Variants in PSME1 observed in about 807,000 individuals in gnomAD.
PSME1 encodes the protein proteasome activator complex subunit 1.
PSME1 carries 15 observed loss-of-function variants against 38.4 expected under a neutral mutation model. That is an observed-to-expected ratio of 0.39 (90% CI 0.26 to 0.60). The LOEUF (loss-of-function observed/expected upper bound fraction) is 0.60, where lower values mean the gene tolerates loss of function less well. Ranked by LOEUF, PSME1 falls within the 20% of genes least tolerant of loss-of-function variation. The probability of loss-of-function intolerance (pLI) is 0.53; values close to 1 mark genes in which losing one functional copy is unlikely to be tolerated. For synonymous variants in PSME1, 106 were observed against 106.8 expected (o/e 0.99, Z 0.05); for missense variants, 249 against 305.6 (o/e 0.81, Z 1.38).
Position 24,136,397 on chromosome 14 carries a change from C to CG in PSME1, c.39+101dup. 1 of 1,255,930 alleles carries CG rather than the reference C, an allele frequency of 8.0e-7. No individual in the cohort carries two copies. Among genetic ancestry groups the CG allele is most frequent in the South Asian group, 1.7e-5 (1 of 58,106 alleles). The allele number at this position is 1,255,930 out of a possible 1,614,324, so 77.8% of individuals were successfully genotyped here. A position where few individuals can be genotyped will look rare whatever the true frequency, so the allele number is the denominator to read the frequency against. ...CCGCCCCCCAGGCTCCCACGCGAGT[C>CG]GGGGGCAGTCGGCCGAGCTGGCGCG... On this transcript the variant is annotated intron_variant, in intron 1 of 10. Coordinates refer to ENST00000206451, the MANE Select transcript of PSME1 (RefSeq NM_006263.4). This position sits in a 1 kb window ranked among gnomAD's most constrained non-coding sequence, Gnocchi z 4.8.
chr14:24,137,065 T>G, intron 2 of PSME1, 48 bp downstream of exon 2: 1 of 1,614,082 alleles, frequency 6.2e-7, no homozygotes, highest in East Asian at 2.2e-5. Flanking sequence ...CAACTCCTAC[T>G]GCTCAACCCT....
Position 24,138,260 on chromosome 14 carries a change from C to CT in PSME1, c.525dup (p.Lys176Ter). The CT allele has an allele frequency of 6.2e-7, 1 of 1,614,176 alleles. No individual in the cohort carries two copies. The highest frequency in any genetic ancestry group is 8.5e-7 in the Non-Finnish European group (1 of 1,179,986). On this transcript the variant is annotated frameshift_variant, in exon 8 of 11. Coordinates refer to ENST00000206451, the MANE Select transcript of PSME1 (RefSeq NM_006263.4). LOFTEE classifies it high-confidence loss of function. ...CTAGAAGGCTTCCACACTCAAATCT[C>CT]TAAGTGAGTGACCACCCATGTGCAC...
At position 24,137,844 on chromosome 14, in the gene PSME1, C is replaced by T. The variant is rs375932780; in HGVS notation, c.390+47C>T. 14 of 1,587,242 alleles carry T rather than the reference C, an allele frequency of 8.8e-6. No homozygotes were observed. The African/African-American group carries it at 1.9e-4, about 21-fold the overall frequency. ...CTCAGGCTTCAAGTCAAACCATTGT[C>T]CTCTTGGTCCCTGCCATTTAGGGCC... On this transcript the variant is annotated intron_variant, in intron 6 of 10. Coordinates refer to ENST00000206451, the MANE Select transcript of PSME1 (RefSeq NM_006263.4).
Position 24,137,044 on chromosome 14 carries a change from C to T in PSME1, c.72+27C>T, listed in dbSNP as rs1376703631. The T allele has an allele frequency of 4.3e-6, 7 of 1,614,048 alleles. No individual in the cohort carries two copies. In the African/African-American group the frequency reaches 8.0e-5, roughly 18 times the overall value. On this transcript the variant is annotated intron_variant, in intron 2 of 10. Transcript: ENST00000206451. The stretch of plus-strand genomic sequence containing the variant: ...TAAGACATGCCCCATCAGCGTGGCC[C>T]CACCCCTGCCCAACTCCTACTGCTC...
At position 24,136,861 on chromosome 14, in the gene PSME1, G is replaced by A; in HGVS notation, c.40-124G>A. 1 of 1,155,844 alleles carries A rather than the reference G, an allele frequency of 8.7e-7. No homozygotes were observed. Among genetic ancestry groups the A allele is most frequent in the East Asian group, 2.4e-5 (1 of 41,418 alleles). The allele number at this position is 1,155,844 out of a possible 1,614,324, so 71.6% of individuals were successfully genotyped here. ...CAGGCATCCATCTCGCTTTCTTCAG[G>A]TCTGGCCTTAGAGGGATCCCCTCCA... is the stretch of plus-strand genomic sequence containing the variant. On this transcript the variant is annotated intron_variant, in intron 1 of 10. Coordinates refer to ENST00000206451, the MANE Select transcript of PSME1 (RefSeq NM_006263.4). The surrounding 1 kb of genome is among the most constrained non-coding windows in gnomAD (Gnocchi z 4.8).
chr14:24,138,330 C>G lies in PSME1; in HGVS notation c.528-15C>G. On this transcript the variant is annotated splice_polypyrimidine_tract_variant and intron_variant, in intron 8 of 10. Transcript: ENST00000206451. ...ACCTCCTTCTTCTACTCCATACACA[C>G]TTCTCCTTCCACAGGTATTTCTCTG... 6.2e-7 allele frequency: 1 copy of G among 1,614,166 alleles called. No homozygotes were observed. Among genetic ancestry groups the G allele is most frequent in the Non-Finnish European group, 8.5e-7 (1 of 1,180,002 alleles).
chr14:24,138,134 A>T lies in PSME1; in HGVS notation c.459+17A>T, dbSNP rs1375499674. On this transcript the variant is annotated intron_variant, in intron 7 of 10. Transcript: ENST00000206451. ...GCTGTCCAGGTGAGAGCGCTGCCCC[A>T]CTTCCCTGCTCTTTTCTAGTCCATG... The T allele has an allele frequency of 6.2e-7, 1 of 1,614,038 alleles. No homozygotes were observed. The highest frequency in any genetic ancestry group is 1.1e-5 in the South Asian group (1 of 91,072).
At chr14:24,137,865 G>T in intron 6 of PSME1, 68 bp downstream of exon 6, 1 of 1,567,226 alleles carries the variant, frequency 6.4e-7, no homozygotes, top group East Asian at 2.2e-5. Flanking sequence ...CTGCCATTTA[G>T]GGCCTGGCAC....
rs978133374 is a variant in PSME1, at chr14:24,138,222, C to T, written c.486C>T (p.Ser162=). The T allele has an allele frequency of 1.9e-6, 3 of 1,614,200 alleles. No individual in the cohort carries two copies. The highest frequency in any genetic ancestry group is 1.6e-4 in the Middle Eastern group (1 of 6,062). The change falls in exon 8 of 11, where the codon AGC becomes AGT. Residue 162 remains serine, a synonymous_variant. Transcript: ENST00000206451. ...VQEKVFELMT[S]LHTKLEGFHT... is the part of the protein sequence containing the mutation. Reference sequence around the variant, plus strand: ...AGAAGGTGTTTGAGCTGATGACCAGCCTCCACACCAAGCTAGAAGGCTTCC... The same window carrying T: ...AGAAGGTGTTTGAGCTGATGACCAGTCTCCACACCAAGCTAGAAGGCTTCC...
At position 24,138,577 on chromosome 14, in the gene PSME1, A is replaced by AG. The variant is rs780096976; in HGVS notation, c.669+20dup. 1.8e-5 allele frequency: 29 copies of AG among 1,613,994 alleles called. No individual in the cohort carries two copies. The South Asian group carries it at 3.1e-4, about 17-fold the overall frequency. On this transcript the variant is annotated intron_variant, in intron 10 of 10. Transcript: ENST00000206451. ...AATGCTTATGTGAGGAGGCAAGGGC[A>AG]GGGCAGGGGTGGGCAGAGGCAGCTT... is the stretch of plus-strand genomic sequence containing the variant.
At position 24,136,441 on chromosome 14, in the gene PSME1, C is replaced by A; in HGVS notation, c.39+140C>A. 2 of 817,486 alleles carry A rather than the reference C, an allele frequency of 2.4e-6. No homozygotes were observed. The highest frequency in any genetic ancestry group is 2.4e-5 in the South Asian group (1 of 42,072). 50.6% of individuals were successfully genotyped at this position (817,486 alleles called of 1,614,324 possible). On this transcript the variant is annotated intron_variant, in intron 1 of 10. Transcript: ENST00000206451. This position sits in a 1 kb window ranked among gnomAD's most constrained non-coding sequence, Gnocchi z 4.8. ...TGGCGCGCCCGGAGCACCTGCGCCC[C>A]GGGGAGGGCGGCGACTGCTGCCTGC... is the stretch of plus-strand genomic sequence containing the variant.
At chr14:24,137,247 G>A (rs940330711) in intron 3 of PSME1, 42 bp downstream of exon 3, 3 of 1,611,706 alleles carry the variant, frequency 1.9e-6, no homozygotes, top group East Asian at 4.5e-5. Context: ...AAGGCCAAGA[G>A]AAGAGTCTGG....
rs1385584579 is a variant in PSME1, at chr14:24,136,825, A to C, written c.40-160A>C. The C allele has an allele frequency of 1.6e-5, 13 of 797,154 alleles. No homozygotes were observed. Among genetic ancestry groups the C allele is most frequent in the Non-Finnish European group, 2.5e-5 (12 of 470,618 alleles). 49.4% of individuals were successfully genotyped at this position (797,154 alleles called of 1,614,324 possible). On this transcript the variant is annotated intron_variant, in intron 1 of 10. Transcript: ENST00000206451. The surrounding 1 kb of genome is among the most constrained non-coding windows in gnomAD (Gnocchi z 4.8). ...AGAGATCCACCTTCTCCACCACCCC[A>C]ACCCACCCTACAGGCATCCATCTCG...
rs1273233380 is a variant in PSME1, at chr14:24,138,574, G to C, written c.669+14G>C. ...CGCAATGCTTATGTGAGGAGGCAAG[G>C]GCAGGGCAGGGGTGGGCAGAGGCAG... On this transcript the variant is annotated intron_variant, in intron 10 of 10. Coordinates refer to ENST00000206451, the MANE Select transcript of PSME1 (RefSeq NM_006263.4). 1 of 1,613,992 alleles carries C rather than the reference G, an allele frequency of 6.2e-7. No homozygotes were observed.
rs148386267 is a variant in PSME1 at position 24,136,972 on chromosome 14, G to C, written c.40-13G>C. 20 of 1,613,998 alleles carry C rather than the reference G, an allele frequency of 1.2e-5. No homozygotes were observed. In the South Asian group the frequency reaches 1.3e-4, roughly 11 times the overall value. On this transcript the variant is annotated splice_polypyrimidine_tract_variant and intron_variant, in intron 1 of 10. Transcript: ENST00000206451. The surrounding 1 kb of genome is among the most constrained non-coding windows in gnomAD (Gnocchi z 4.8). ...TAAAGCCAAGTTTCTGAAGGGATGC[G>C]TGTGCCCCACAGGTGGATGTGTTTC... is the stretch of plus-strand genomic sequence containing the variant.
chr14:24,138,525 A>T lies in PSME1; in HGVS notation c.634A>T (p.Ile212Phe), dbSNP rs139362285. The T allele has an allele frequency of 9.5e-5, 153 of 1,613,938 alleles. No homozygotes were observed. In the African/African-American group the frequency reaches 1.9e-3, roughly 20 times the overall value. Residue 212 changes from isoleucine (I) to phenylalanine (F), a missense_variant, in exon 10 of 11, where the codon ATC (isoleucine) becomes TTC (phenylalanine). Coordinates refer to ENST00000206451, the MANE Select transcript of PSME1 (RefSeq NM_006263.4). ...HELDEAEYRD[I>F]RLMVMEIRNA... The stretch of plus-strand genomic sequence containing the variant: ...GCTGGATGAGGCAGAGTACCGGGAC[A>T]TCCGGCTGATGGTCATGGAGATCCG...
chr14:24,137,878 G>A, intron 6 of PSME1, 81 bp downstream of exon 6: 1 of 1,548,554 alleles, frequency 6.5e-7, no homozygotes, highest in Non-Finnish European at 8.9e-7. Context: ...CCTGGCACTT[G>A]CCAGGTTTTA....
At position 24,136,196 on chromosome 14, in the gene PSME1, C is replaced by G; in HGVS notation, c.-67C>G. On this transcript the variant is annotated 5_prime_UTR_variant, in exon 1 of 11. Transcript: ENST00000206451. This position sits in a 1 kb window ranked among gnomAD's most constrained non-coding sequence, Gnocchi z 4.8. ...GCGGAGCTGGGTGCGAGCGCCCTAC[C>G]GCTTTCGCTTTCCCTTCGCGGTGCC... 2 of 1,487,990 alleles carry G rather than the reference C, an allele frequency of 1.3e-6. No homozygotes were observed. Among genetic ancestry groups the G allele is most frequent in the Admixed American group, 2.2e-5 (1 of 45,000 alleles). 92.2% of individuals were successfully genotyped at this position (1,487,990 alleles called of 1,614,324 possible). A position where few individuals can be genotyped will look rare whatever the true frequency, so the allele number is the denominator to read the frequency against.
chr14:24,137,705 C>CAGTGG lies in PSME1; in HGVS notation c.298_299insAGTGG (p.Pro100GlnfsTer7). The CAGTGG allele has an allele frequency of 6.2e-7, 1 of 1,614,180 alleles. No homozygotes were observed. The highest frequency in any genetic ancestry group is 8.5e-7 in the Non-Finnish European group (1 of 1,180,000). On this transcript the variant is annotated frameshift_variant, in exon 6 of 11. Coordinates refer to ENST00000206451, the MANE Select transcript of PSME1 (RefSeq NM_006263.4). LOFTEE classifies it high-confidence loss of function. ...ACCCATTGCTCACTCTCTAGGTCCT[C>CAGTGG]CCTGTGGCCCAGTGAACTGCAATGA...
Sources: gnomAD v4.1 joint callset for allele counts on GRCh38, gnomAD v4.1.1 for gene constraint, Gnocchi (gnomAD v3.1) non-coding constraint, MANE v1.5 for transcripts, NCBI Gene and HGNC (gene_info 2026-07-23, HGNC 2026-07-21) for gene names.